FGF14: variants seen among roughly 807,000 people sequenced by gnomAD.
FGF14 encodes fibroblast growth factor homologous factor 4.
FGF14 carries 5 observed loss-of-function variants against 25.5 expected under a neutral mutation model. That is an observed-to-expected ratio of 0.20 (90% CI 0.10 to 0.41). The LOEUF (loss-of-function observed/expected upper bound fraction) is 0.41, where lower values mean the gene tolerates loss of function less well. Among genes scored for constraint, FGF14 ranks in the 10% least tolerant of loss-of-function variants. FGF14 has a pLI of 1.00. For missense variants in FGF14, 222 were observed against 320.1 expected, an observed-to-expected ratio of 0.69 and a Z score of 2.34; for synonymous variants, 138 against 118.3, an observed-to-expected ratio of 1.17 and a Z score of -1.08.
At chr13:101,858,253 C>G (rs1216013628) in intron 3 of FGF14, among the ~76,000 whole-genome samples, 1 of 148,128 alleles carries the variant, frequency 6.8e-6, no homozygotes, top group Admixed American at 6.7e-5. Context: ...AGGAAAATAA[C>G]TCAACTTGGA....
chr13:101,977,899 A>G (rs2038023252), intron 1 of FGF14, among the ~76,000 whole-genome samples: 1 of 152,018 alleles, frequency 6.6e-6, no homozygotes, highest in African/African-American at 2.4e-5. Context: ...ACTATCAGCT[A>G]AATGGAAACT....
rs2034837012 is a variant in FGF14, at chr13:101,719,301, A to T, written c.*3530T>A. 6.6e-6 allele frequency: 1 copy of T among 152,134 alleles called. No homozygotes were observed. The highest frequency in any genetic ancestry group is 1.5e-5 in the Non-Finnish European group (1 of 68,018). The allele number at this position is 152,134 out of a possible 1,614,324, so 9.4% of individuals were successfully genotyped here. ...TTAATTAAGCAAGTGGCTAGGTATG[A>T]TAAAGAACTTCTGCTTGCTCCCCAA... is the stretch of plus-strand genomic sequence containing the variant. On this transcript the variant is annotated 3_prime_UTR_variant, in exon 5 of 5. Transcript: ENST00000376143.
At chr13:102,401,759 G>A in exon 1 of FGF14, 1 of 1,193,966 alleles carries the variant, frequency 8.4e-7, no homozygotes, top group Non-Finnish European at 1.2e-6. Flanking sequence ...CTCAGTGATT[G>A]TTTGTTTTCG....
Position 102,325,328 on chromosome 13 carries a change from TTG to T in FGF14, c.208+76141_208+76142del, listed in dbSNP as rs1377397972. 3.3e-5 allele frequency among the ~76,000 whole-genome samples: 5 copies of T among 152,308 alleles called. No individual in the cohort carries two copies. In the East Asian group the frequency reaches 9.6e-4, roughly 29 times the overall value. On this transcript the variant is annotated intron_variant, in intron 1 of 4. Coordinates refer to the FGF14 transcript ENST00000376131. Reference sequence around the variant, plus strand: ...AGAAGAAAAAAATTTTAGAAAAACGTTGTGAAATTATTTTTCTCTTTTTATTA... The same window carrying T: ...AGAAGAAAAAAATTTTAGAAAAACGTTGAAATTATTTTTCTCTTTTTATTA...
At chr13:102,072,189 G>C (rs957250524) in intron 1 of FGF14, among the ~76,000 whole-genome samples, 17 of 152,252 alleles carry the variant, frequency 1.1e-4, no homozygotes, top group Admixed American at 2.0e-4. Context: ...AGATAGAAGG[G>C]GGAGAGAAGA....
chr13:102,155,197 C>T (rs2047273120), intron 1 of FGF14, among the ~76,000 whole-genome samples: 1 of 152,224 alleles, frequency 6.6e-6, no homozygotes, highest in Non-Finnish European at 1.5e-5. Flanking sequence ...CATCCCAAAT[C>T]AACAGAATAT....
intron 1 of FGF14, chr13:102,292,826 A>C (rs759942244): frequency 6.6e-6 from 1 of 152,236 alleles, no homozygotes; most frequent in South Asian, 2.1e-4. Flanking sequence ...AGTGGGCCAT[A>C]GCCATGGTCC....
chr13:102,077,817 CA>C (rs1354295121), intron 1 of FGF14, among the ~76,000 whole-genome samples: 1 of 152,124 alleles, frequency 6.6e-6, no homozygotes, highest in Non-Finnish European at 1.5e-5. Context: ...ATCACTATGT[CA>C]AAGAGATTTC....
At chr13:102,000,962 CT>C (rs1313492821) in intron 1 of FGF14, among the ~76,000 whole-genome samples, 1 of 152,066 alleles carries the variant, frequency 6.6e-6, no homozygotes, top group Non-Finnish European at 1.5e-5. Flanking sequence ...CCAAGGAATC[CT>C]TAAAGGGCAG....
intron 3 of FGF14, among the ~76,000 whole-genome samples, chr13:101,816,777 A>C (rs1177833424): frequency 6.6e-6 from 1 of 152,158 alleles, no homozygotes; most frequent in Non-Finnish European, 1.5e-5. Context: ...TATTCATAAT[A>C]TTTATTTTTA....
chr13:102,145,539 G>A (rs1391035936), intron 1 of FGF14, among the ~76,000 whole-genome samples: 2 of 152,050 alleles, frequency 1.3e-5, no homozygotes, highest in Admixed American at 6.6e-5. Flanking sequence ...CTGGTTTCTC[G>A]TACTGACTTA....
intron 1 of FGF14, among the ~76,000 whole-genome samples, chr13:102,205,750 C>T (rs2049879133): frequency 8.4e-6 from 1 of 118,792 alleles, no homozygotes; most frequent in Admixed American, 8.3e-5. Flanking sequence ...AAAAAAAAAA[C>T]CTCCATAAAT....
At chr13:101,990,051 A>T (rs947423925) in intron 1 of FGF14, among the ~76,000 whole-genome samples, 1 of 152,170 alleles carries the variant, frequency 6.6e-6, no homozygotes, top group Non-Finnish European at 1.5e-5. Flanking sequence ...TTCCAAAATC[A>T]TATGAGCTGT....
At chr13:102,369,146 A>G (rs2057802038) in intron 1 of FGF14, among the ~76,000 whole-genome samples, 1 of 152,200 alleles carries the variant, frequency 6.6e-6, no homozygotes, top group Admixed American at 6.5e-5. Flanking sequence ...GCCTAACACT[A>G]GAACACTGGC....
At chr13:102,088,880 T>G (rs960403885) in intron 1 of FGF14, among the ~76,000 whole-genome samples, 1 of 152,168 alleles carries the variant, frequency 6.6e-6, no homozygotes, top group Non-Finnish European at 1.5e-5. Context: ...TCCTGAAAGT[T>G]ACCGTATAAA....
chr13:101,778,929 C>G (rs1047389275), intron 3 of FGF14: 1 of 151,960 alleles, frequency 6.6e-6, no homozygotes, highest in Non-Finnish European at 1.5e-5. Flanking sequence ...ATTATGCAGC[C>G]GAGTGAGTTT....
chr13:102,213,193 A>C (rs1464105315), intron 1 of FGF14, among the ~76,000 whole-genome samples: 1 of 152,240 alleles, frequency 6.6e-6, no homozygotes, highest in Non-Finnish European at 1.5e-5. Context: ...TGAACAACCC[A>C]GGGAATTCTG....
intron 1 of FGF14, among the ~76,000 whole-genome samples, chr13:101,950,534 T>C (rs2036091284): frequency 6.6e-6 from 1 of 152,174 alleles, no homozygotes; most frequent in Non-Finnish European, 1.5e-5. Context: ...AAATACTCAA[T>C]TAAAATTTGC....
At chr13:101,960,640 C>A (rs1016258525) in intron 1 of FGF14, among the ~76,000 whole-genome samples, 1 of 152,116 alleles carries the variant, frequency 6.6e-6, no homozygotes, top group Non-Finnish European at 1.5e-5. Flanking sequence ...GTGAATAGGG[C>A]TGCAATGAAC....
Sources: gnomAD v4.1 joint callset for allele counts (sites outside exome capture counted in the v4.1 genomes callset) on GRCh38, gnomAD v4.1.1 for gene constraint, MANE v1.5 for transcripts, NCBI Gene and HGNC (gene_info 2026-07-23, HGNC 2026-07-21) for gene names.